Variants in COL4A6 observed in about 807,000 individuals in gnomAD.
COL4A6 encodes the protein collagen alpha-6(IV) chain.
Under a neutral mutation model 126.7 loss-of-function variants are expected in COL4A6, and 59 were observed. The observed-to-expected ratio is 0.47, with a 90% CI of 0.38 to 0.58. COL4A6 has a LOEUF of 0.58. Among genes scored for constraint, COL4A6 ranks in the 20% least tolerant of loss-of-function variants. COL4A6 has a pLI of 0.00. For synonymous variants in COL4A6, 547 were observed against 496.6 expected (o/e 1.10, Z -1.35); for missense variants, 1,285 against 1,337.3 (o/e 0.96, Z 0.61).
intron 2 of COL4A6, among the ~76,000 whole-genome samples, chrX:108,334,265 A>G (rs2039379516): frequency 9.0e-6 from 1 of 111,509 alleles, no homozygotes; most frequent in South Asian, 3.7e-4. Flanking sequence ...GTCGACACAT[A>G]AAATTACCCA....
chrX:108,383,376 C>G (rs962756489), intron 2 of COL4A6: 4 of 436,780 alleles, frequency 9.2e-6, no homozygotes, highest in South Asian at 6.0e-5. Context: ...GAGCACCAAG[C>G]TATAAGAAGT....
chrX:108,192,450 G>A, intron 18 of COL4A6, 23 bp downstream of exon 18: 1 of 1,104,583 alleles, frequency 9.1e-7, no homozygotes, highest in South Asian at 1.9e-5. Flanking sequence ...GATCTGTGTA[G>A]GAAATGGGTT....
At chrX:108,254,757 A>G (rs976657732) in intron 3 of COL4A6, among the ~76,000 whole-genome samples, 5 of 110,589 alleles carry the variant, frequency 4.5e-5, no homozygotes, top group African/African-American at 1.6e-4. Flanking sequence ...TAGGCACTCT[A>G]AATATACCTA....
At chrX:108,232,758 G>A (rs1166595419) in intron 3 of COL4A6, among the ~76,000 whole-genome samples, 1 of 111,339 alleles carries the variant, frequency 9.0e-6, no homozygotes, top group Non-Finnish European at 1.9e-5. Flanking sequence ...GATATTACTT[G>A]CTCTACCCAT....
chrX:108,183,847 A>G (rs2034764394), intron 23 of COL4A6: 3 of 640,111 alleles, frequency 4.7e-6, no homozygotes, highest in Non-Finnish European at 6.2e-6. Context: ...TCTTCTCAGC[A>G]GCCCAGATAT....
chrX:108,413,650 G>C (rs748601433), intron 2 of COL4A6, among the ~76,000 whole-genome samples: 3 of 110,796 alleles, frequency 2.7e-5, no homozygotes, highest in Non-Finnish European at 3.8e-5. Context: ...AGTAGAGACG[G>C]GGTTTCACCG....
At chrX:108,411,301 G>T (rs1476490278) in intron 2 of COL4A6, among the ~76,000 whole-genome samples, 1 of 111,852 alleles carries the variant, frequency 8.9e-6, no homozygotes, top group African/African-American at 3.3e-5. Flanking sequence ...TAAGATTGAT[G>T]ATTATGATAG....
At chrX:108,422,369 A>G (rs1434384106) in intron 2 of COL4A6, among the ~76,000 whole-genome samples, 1 of 111,815 alleles carries the variant, frequency 8.9e-6, no homozygotes, top group Admixed American at 9.6e-5. Context: ...CTGTCTAAAA[A>G]GAAAGAAAAA....
At chrX:108,255,668 C>T (rs1188245197) in intron 3 of COL4A6, among the ~76,000 whole-genome samples, 1 of 110,379 alleles carries the variant, frequency 9.1e-6, no homozygotes, top group Non-Finnish European at 1.9e-5. Flanking sequence ...CAAACTCTGA[C>T]TCTTTGCTTG....
intron 2 of COL4A6, among the ~76,000 whole-genome samples, chrX:108,325,143 A>C (rs1204734770): frequency 8.9e-6 from 1 of 111,819 alleles, no homozygotes; most frequent in African/African-American, 3.2e-5. Flanking sequence ...TTTAAAAAGC[A>C]TCATGCTAGA....
chrX:108,223,697 T>C (rs1446472925), intron 3 of COL4A6, among the ~76,000 whole-genome samples: 1 of 111,189 alleles, frequency 9.0e-6, no homozygotes, highest in Non-Finnish European at 1.9e-5. Flanking sequence ...AGAAGAGCGG[T>C]CTTTCAGGGC....
chrX:108,164,977 G>A lies in COL4A6; in HGVS notation c.3870C>T (p.Thr1290=), dbSNP rs771062602. 5.8e-6 allele frequency: 7 copies of A among 1,208,763 alleles called. No homozygotes were observed. The highest frequency in any genetic ancestry group is 3.5e-5 in the South Asian group (2 of 56,628). The stretch of plus-strand genomic sequence containing the variant: ...GAATTCCAGGGAAGCCAGGGTCTCC[G>A]GTGTCGCCTTGATTCGAGGATGGCC... ...PPGPSSNQGD[T]GDPGFPGIPG... The change falls in exon 39 of 45, where the codon ACC becomes ACT. Residue 1290 remains threonine (T), a synonymous_variant. Transcript: ENST00000334504.
At chrX:108,175,052 T>C in intron 30 of COL4A6, 38 bp downstream of exon 30, 1 of 1,144,175 alleles carries the variant, frequency 8.7e-7, no homozygotes, top group Non-Finnish European at 1.2e-6. Flanking sequence ...ATGAAGCCTC[T>C]CTTGAGCATT....
chrX:108,365,319 A>G (rs1454876953), intron 2 of COL4A6, among the ~76,000 whole-genome samples: 2 of 112,125 alleles, frequency 1.8e-5, no homozygotes, highest in Non-Finnish European at 3.8e-5. Flanking sequence ...GTCTGAAATA[A>G]GAGTAATGTT....
intron 2 of COL4A6, among the ~76,000 whole-genome samples, chrX:108,367,697 T>C (rs1214046610): frequency 8.9e-6 from 1 of 112,296 alleles, no homozygotes; most frequent in Non-Finnish European, 1.9e-5. Context: ...AGGATCCATA[T>C]AATTGATTTT....
At chrX:108,304,238 T>A (rs2038568982) in intron 3 of COL4A6, among the ~76,000 whole-genome samples, 1 of 112,190 alleles carries the variant, frequency 8.9e-6, no homozygotes, top group Non-Finnish European at 1.9e-5. Flanking sequence ...ACATATAATA[T>A]ATTCCATAAA....
At chrX:108,254,359 C>A (rs1458433534) in intron 3 of COL4A6, among the ~76,000 whole-genome samples, 1 of 111,389 alleles carries the variant, frequency 9.0e-6, no homozygotes, top group East Asian at 2.8e-4. Flanking sequence ...GGTGGCATAC[C>A]TGTAATCCTA....
intron 3 of COL4A6, among the ~76,000 whole-genome samples, chrX:108,285,157 A>T (rs2037973058): frequency 8.9e-6 from 1 of 111,746 alleles, no homozygotes; most frequent in African/African-American, 3.3e-5. Context: ...ACAGCAGGTC[A>T]GTGAGTGTGT....
At chrX:108,410,346 G>A (rs748394985) in intron 2 of COL4A6, among the ~76,000 whole-genome samples, 2 of 111,488 alleles carry the variant, frequency 1.8e-5, no homozygotes, top group East Asian at 5.6e-4. Flanking sequence ...ATAGGTAAGG[G>A]CATGTTAAAA....
Sources: gnomAD v4.1 joint callset for allele counts (sites outside exome capture counted in the v4.1 genomes callset) on GRCh38, gnomAD v4.1.1 for gene constraint, MANE v1.5 for transcripts, NCBI Gene and HGNC (gene_info 2026-07-23, HGNC 2026-07-21) for gene names.